The following PHIP variants were observed in gnomAD, a reference collection of about 807,000 sequenced individuals.
The protein encoded by PHIP is PH-interacting protein.
In PHIP, 54 loss-of-function variants were observed where a neutral mutation model predicts 236.8. The ratio of observed to expected loss-of-function variants is 0.23; its 90% CI spans 0.18 to 0.29. PHIP has a LOEUF of 0.29. Among genes scored for constraint, PHIP ranks in the 10% least tolerant of loss-of-function variants. The pLI is 1.00. For synonymous variants in PHIP, 756 were observed against 718.9 expected (o/e 1.05, Z -0.83); for missense variants, 1,370 against 2,190.8 (o/e 0.63, Z 7.48).
intron 35 of PHIP, among the ~76,000 whole-genome samples, chr6:78,950,531 T>G (rs1774084423): frequency 6.6e-6 from 1 of 152,238 alleles, no homozygotes; most frequent in Non-Finnish European, 1.5e-5. Context: ...ATAGGGTTAC[T>G]GAGTTATTTG....
intron 7 of PHIP, among the ~76,000 whole-genome samples, chr6:79,027,462 A>T (rs1347715703): frequency 2.0e-5 from 3 of 152,160 alleles, no homozygotes; most frequent in Non-Finnish European, 4.4e-5. Context: ...ACGGAGGTTA[A>T]AATGGATGGC....
chr6:79,035,671 G>A (rs1771897146), intron 7 of PHIP, among the ~76,000 whole-genome samples: 1 of 152,108 alleles, frequency 6.6e-6, no homozygotes, highest in African/African-American at 2.4e-5. Context: ...ATTGCCATTA[G>A]AATAAGCAGT....
In PHIP at chr6:78,941,227, T is replaced by C. The variant is rs1773485288; in HGVS notation, c.4932A>G (p.Lys1644=). The C allele has an allele frequency of 6.2e-7, 1 of 1,613,982 alleles. No homozygotes were observed. Among genetic ancestry groups the C allele is most frequent in the Non-Finnish European group, 8.5e-7 (1 of 1,179,856 alleles). The change falls in exon 40 of 40, where the codon AAA becomes AAG. Residue 1644 remains lysine, a synonymous_variant. Transcript: ENST00000275034. The stretch of plus-strand genomic sequence containing the variant: ...CACCACTATTGGTATTAACTTCTAC[T>C]TTAGGTTTCCTTCCAGGTCCCCTCT... ...LVKRGPGRKP[K]VEVNTNSGEI... is the part of the protein sequence containing the mutation.
chr6:79,044,254 T>C (rs953508443), intron 6 of PHIP, among the ~76,000 whole-genome samples: 4 of 152,174 alleles, frequency 2.6e-5, no homozygotes, highest in Non-Finnish European at 5.9e-5. Context: ...TTTCTCTTGC[T>C]GTTAGCATGT....
chr6:79,069,460 G>A lies in PHIP; in HGVS notation c.189+7988C>T, dbSNP rs150218772. Among the ~76,000 whole-genome samples the A allele has an allele frequency of 1.0e-3, 155 of 151,962 alleles. No homozygotes were observed. In the Middle Eastern group the frequency reaches 0.017, roughly 17 times the overall value. ...TCCCAAAATTTATTTATCTTCATAA[G>A]CACATAAGCTTAACTACTCTCCCTA... is the stretch of plus-strand genomic sequence containing the variant. On this transcript the variant is annotated intron_variant, in intron 4 of 39. Coordinates refer to ENST00000275034, the MANE Select transcript of PHIP (RefSeq NM_017934.7).
chr6:78,947,859 A>T (rs1289493016), intron 35 of PHIP, 84 bp from the exon 36 acceptor site: 18 of 870,950 alleles, frequency 2.1e-5, no homozygotes, highest in Non-Finnish European at 3.1e-5. Context: ...CAGGATTTTT[A>T]TGATGACTGC....
intron 4 of PHIP, 118 bp from the exon 5 acceptor site, chr6:79,060,936 G>A (rs1353574599): frequency 3.2e-6 from 2 of 616,894 alleles, no homozygotes; most frequent in Non-Finnish European, 5.4e-6. Flanking sequence ...CGTCTTTGAT[G>A]TAAAGTAAAT....
Position 78,942,665 on chromosome 6 carries a change from G to C in PHIP, c.4829-1335C>G, listed in dbSNP as rs950419975. Among the ~76,000 whole-genome samples, 7 of 152,240 alleles carry C rather than the reference G, an allele frequency of 4.6e-5. No individual in the cohort carries two copies. In the South Asian group the frequency reaches 1.5e-3, roughly 32 times the overall value. The stretch of plus-strand genomic sequence containing the variant: ...ATAAAGTAGTTAAGTATTTCCTATG[G>C]AGCAACTGACATTTAAACTGCCCAG... On this transcript the variant is annotated intron_variant, in intron 39 of 39. Coordinates refer to ENST00000275034, the MANE Select transcript of PHIP (RefSeq NM_017934.7).
chr6:79,077,573 C>CCGCCCCG (rs1774238824), intron 3 of PHIP, 66 bp from the exon 4 acceptor site: 1 of 998,352 alleles, frequency 1.0e-6, no homozygotes, highest in Non-Finnish European at 1.2e-6. Flanking sequence ...CCTCCCCCGC[C>CCGCCCCG]CGCCCCGCGC....
intron 7 of PHIP, among the ~76,000 whole-genome samples, chr6:79,039,069 A>C (rs1425159241): frequency 1.3e-5 from 2 of 152,142 alleles, no homozygotes; most frequent in Non-Finnish European, 2.9e-5. Context: ...ACTTTTTGCC[A>C]ATTTCTCTGT....
intron 9 of PHIP, 84 bp from the exon 10 acceptor site, chr6:79,019,243 G>C (rs2127743540): frequency 1.0e-6 from 1 of 1,001,316 alleles, no homozygotes; most frequent in Non-Finnish European, 1.5e-6. Flanking sequence ...AATAATCCCA[G>C]AAGGACAAAA....
chr6:79,014,997 G>A, intron 15 of PHIP, 85 bp downstream of exon 15: 1 of 1,079,284 alleles, frequency 9.3e-7, no homozygotes, highest in Non-Finnish European at 1.4e-6. Context: ...ATTTTTAAAT[G>A]GATTTCCTTT....
chr6:78,946,159 G>A lies in PHIP; in HGVS notation c.4472C>T (p.Ala1491Val). Residue 1491 changes from alanine (A) to valine (V), a missense_variant, in exon 38 of 40, where the codon GCT becomes GTT. This residue lies in a region of PHIP where 309 missense variants were observed against 328.3 expected (regional missense o/e 0.94). Coordinates refer to ENST00000275034, the MANE Select transcript of PHIP (RefSeq NM_017934.7). Reference sequence around the variant, plus strand: ...TTCTGTTTTACCGTTTATCTGAGCAGCATTGTGTCTTGGCGGTATTGATCG... The same window carrying A: ...TTCTGTTTTACCGTTTATCTGAGCAACATTGTGTCTTGGCGGTATTGATCG... ...PTRSIPPRHN[A>V]AQINGKTESS... The A allele has an allele frequency of 6.2e-7, 1 of 1,614,052 alleles. No homozygotes were observed. The highest frequency in any genetic ancestry group is 8.5e-7 in the Non-Finnish European group (1 of 1,179,914).
At chr6:78,960,588 A>G (rs548235963) in intron 31 of PHIP, among the ~76,000 whole-genome samples, 2 of 152,280 alleles carry the variant, frequency 1.3e-5, no homozygotes, top group African/African-American at 4.8e-5. Context: ...ACAAATATCA[A>G]GGAAGCAACA....
chr6:79,030,467 G>A (rs1011284482), intron 7 of PHIP, among the ~76,000 whole-genome samples: 1 of 152,162 alleles, frequency 6.6e-6, no homozygotes, highest in African/African-American at 2.4e-5. Flanking sequence ...AAAGTACAAA[G>A]TGTAAGTGAA....
Position 78,945,281 on chromosome 6 carries a change from G to C in PHIP, c.4828+19C>G. 2 of 1,533,600 alleles carry C rather than the reference G, an allele frequency of 1.3e-6. No individual in the cohort carries two copies. The highest frequency in any genetic ancestry group is 1.8e-6 in the Non-Finnish European group (2 of 1,107,150). The allele number at this position is 1,533,600 out of a possible 1,614,324, so 95.0% of individuals were successfully genotyped here. ...AATAAGGATCTACTGTATCTTGAAA[G>C]ATACAAGTAATACCTTACCTTGCTC... On this transcript the variant is annotated intron_variant, in intron 39 of 39. Transcript: ENST00000275034.
intron 7 of PHIP, among the ~76,000 whole-genome samples, chr6:79,029,078 G>A (rs565724550): frequency 6.6e-6 from 1 of 152,220 alleles, no homozygotes; most frequent in Admixed American, 6.5e-5. Context: ...TTTTAGACAA[G>A]TGCTGAAAAC....
intron 15 of PHIP, among the ~76,000 whole-genome samples, chr6:79,011,842 T>C (rs1770595177): frequency 1.3e-5 from 2 of 151,770 alleles, no homozygotes; most frequent in Middle Eastern, 3.4e-3. Flanking sequence ...ATTTAGATGG[T>C]CCCAAAATAA....
chr6:79,029,307 G>C (rs1771548342), intron 7 of PHIP, among the ~76,000 whole-genome samples: 1 of 151,996 alleles, frequency 6.6e-6, no homozygotes, highest in African/African-American at 2.4e-5. Context: ...GCATTCTTAA[G>C]CAATTTCTAT....
Sources: gnomAD v4.1 joint callset for allele counts (sites outside exome capture counted in the v4.1 genomes callset) on GRCh38, gnomAD v4.1.1 for gene constraint, gnomAD v4.1.1 regional missense constraint, MANE v1.5 for transcripts, NCBI Gene and HGNC (gene_info 2026-07-23, HGNC 2026-07-21) for gene names.